The following LRMDA variants were observed in gnomAD, a reference collection of about 807,000 sequenced individuals.
LRMDA encodes the protein leucine-rich melanocyte differentiation-associated protein.
A neutral mutation model predicts 29.8 loss-of-function variants in LRMDA; 18 were observed. The observed-to-expected ratio is 0.60, with a 90% confidence interval of 0.42 to 0.90. The LOEUF is 0.90. LRMDA is among the 40% of genes least tolerant of loss of function. The pLI is 0.00. For synonymous variants in LRMDA, 125 were observed against 109.4 expected (o/e 1.14, Z -0.89); for missense variants, 273 against 273.9 (o/e 1.00, Z 0.02).
intron 2 of LRMDA, among the ~76,000 whole-genome samples, chr10:76,011,868 A>G (rs925144008): frequency 6.6e-6 from 1 of 152,156 alleles, no homozygotes. Context: ...CTGACTTCCC[A>G]TGTCTCCAGA....
At chr10:76,219,914 T>A (rs1039777847) in intron 5 of LRMDA, among the ~76,000 whole-genome samples, 11 of 152,192 alleles carry the variant, frequency 7.2e-5, no homozygotes, top group Non-Finnish European at 1.2e-4. Context: ...TATAGCAAAC[T>A]GTCTCTCAGA....
chr10:75,810,727 A>C (rs1263629971), intron 2 of LRMDA, among the ~76,000 whole-genome samples: 1 of 152,206 alleles, frequency 6.6e-6, no homozygotes, highest in Non-Finnish European at 1.5e-5. Context: ...GGTTCTAGAC[A>C]CAGTGAGCTT....
intron 5 of LRMDA, among the ~76,000 whole-genome samples, chr10:76,148,837 C>T (rs188647374): frequency 9.5e-4 from 144 of 152,000 alleles, no homozygotes; most frequent in African/African-American, 3.4e-3. Context: ...TTGGCTCCTC[C>T]GTTATTATCT....
chr10:76,174,995 C>G (rs902910615), intron 5 of LRMDA, among the ~76,000 whole-genome samples: 3 of 152,138 alleles, frequency 2.0e-5, no homozygotes, highest in African/African-American at 4.8e-5. Flanking sequence ...GTGGCGTGCG[C>G]CTGTAGTCCC....
chr10:76,269,467 T>C (rs953217534), intron 5 of LRMDA, among the ~76,000 whole-genome samples: 1 of 152,198 alleles, frequency 6.6e-6, no homozygotes, highest in South Asian at 2.1e-4. Flanking sequence ...CTGGTCCATA[T>C]AGAAGATGGG....
At chr10:76,535,043 C>T (rs937725033) in intron 6 of LRMDA, among the ~76,000 whole-genome samples, 2 of 152,200 alleles carry the variant, frequency 1.3e-5, no homozygotes, top group South Asian at 4.1e-4. Flanking sequence ...TTGCTATGTG[C>T]CAGGCAATAG....
rs555573069 is a variant in LRMDA, at chr10:76,491,091, A to G, written c.602-66118A>G. ...CATTAACTTTTTCCTCCTGCTTTTT[A>G]ATTTTTTTTTGTTTCTATGTATATT... is the stretch of plus-strand genomic sequence containing the variant. On this transcript the variant is annotated intron_variant, in intron 6 of 6. Transcript: ENST00000611255. Among the ~76,000 whole-genome samples the G allele has an allele frequency of 2.6e-5, 4 of 151,722 alleles. No homozygotes were observed. The South Asian group carries it at 8.4e-4, about 32-fold the overall frequency.
intron 5 of LRMDA, among the ~76,000 whole-genome samples, chr10:76,202,070 T>C (rs747020670): frequency 6.6e-6 from 1 of 152,140 alleles, no homozygotes; most frequent in Non-Finnish European, 1.5e-5. Context: ...CAGAGTTCCA[T>C]GAGCAGCAAA....
intron 2 of LRMDA, among the ~76,000 whole-genome samples, chr10:75,441,421 A>G (rs1844325775): frequency 6.6e-6 from 1 of 152,114 alleles, no homozygotes; most frequent in African/African-American, 2.4e-5. Context: ...CCAAAGCCCA[A>G]CACCATGTTA....
rs1031013541 is a variant in LRMDA at position 76,399,426 on chromosome 10, A to G, written c.601+74941A>G. Among the ~76,000 whole-genome samples, 220 of 152,354 alleles carry G rather than the reference A, an allele frequency of 1.4e-3. 2 individuals carry two copies. Among genetic ancestry groups the G allele is most frequent in the Non-Finnish European group, 2.5e-4 (17 of 68,038 alleles). ...TAAAAGTCAGGCTAGAATTCCCACA[A>G]GAAGAGAGTTGCCAGGGCATCCTCA... On this transcript the variant is annotated intron_variant, in intron 6 of 6. Transcript: ENST00000611255.
At chr10:76,537,610 C>G (rs989437097) in intron 6 of LRMDA, among the ~76,000 whole-genome samples, 3 of 152,234 alleles carry the variant, frequency 2.0e-5, no homozygotes, top group Non-Finnish European at 2.9e-5. Context: ...CTGCACCGCT[C>G]TGACGGCTTT....
chr10:76,181,481 G>A (rs547671209), intron 5 of LRMDA, among the ~76,000 whole-genome samples: 16 of 152,252 alleles, frequency 1.1e-4, no homozygotes, highest in Admixed American at 6.5e-4. Context: ...CTTTTTTCCC[G>A]TGGGTGGTAT....
intron 2 of LRMDA, among the ~76,000 whole-genome samples, chr10:75,596,842 A>T (rs1311948860): frequency 1.3e-5 from 2 of 152,208 alleles, no homozygotes; most frequent in Non-Finnish European, 2.9e-5. Context: ...AGCAAATGTG[A>T]TACATGAGAA....
chr10:76,334,470 C>G (rs978218993), intron 6 of LRMDA, among the ~76,000 whole-genome samples: 1 of 152,110 alleles, frequency 6.6e-6, no homozygotes, highest in Non-Finnish European at 1.5e-5. Context: ...TCGGTGAGCT[C>G]AAGAAGGCCA....
At chr10:75,498,424 G>GCT (rs946859697) in intron 2 of LRMDA, among the ~76,000 whole-genome samples, 10 of 152,164 alleles carry the variant, frequency 6.6e-5, no homozygotes, top group African/African-American at 1.9e-4. Flanking sequence ...GGAGCTGGGA[G>GCT]CTCCACCTCC....
intron 5 of LRMDA, among the ~76,000 whole-genome samples, chr10:76,121,877 A>G (rs1849796044): frequency 6.6e-6 from 1 of 152,168 alleles, no homozygotes. Flanking sequence ...ATCATGCATT[A>G]CTTTATTCCA....
At chr10:76,336,990 A>C (rs1241377581) in intron 6 of LRMDA, among the ~76,000 whole-genome samples, 1 of 151,806 alleles carries the variant, frequency 6.6e-6, no homozygotes, top group East Asian at 1.9e-4. Flanking sequence ...TGGAACTTTT[A>C]TTTCATATAA....
chr10:75,824,492 AAAG>A (rs59382492), intron 2 of LRMDA, among the ~76,000 whole-genome samples: 5,256 of 152,256 alleles, frequency 0.035, 242 homozygotes, highest in African/African-American at 0.11. Context: ...GACTTTTACA[AAAG>A]AAGGTTGCTG....
At chr10:75,636,972 T>C (rs890389333) in intron 2 of LRMDA, among the ~76,000 whole-genome samples, 1 of 152,232 alleles carries the variant, frequency 6.6e-6, no homozygotes, top group Non-Finnish European at 1.5e-5. Flanking sequence ...TCTAACCTAT[T>C]GAACACTTAC....
Sources: gnomAD v4.1 joint callset for allele counts (sites outside exome capture counted in the v4.1 genomes callset) on GRCh38, gnomAD v4.1.1 for gene constraint, MANE v1.5 for transcripts, NCBI Gene and HGNC (gene_info 2026-07-23, HGNC 2026-07-21) for gene names.